Variants in PCBP3 observed in about 807,000 individuals in gnomAD.
The protein encoded by PCBP3 is poly(rC) binding protein 3.
PCBP3 carries 25 observed loss-of-function variants against 52.7 expected under a neutral mutation model. That is an observed-to-expected ratio of 0.47 (90% CI 0.35 to 0.66). The LOEUF is 0.66. Ranked by LOEUF, PCBP3 falls within the 30% of genes least tolerant of loss-of-function variation. The pLI is 0.01. For missense variants in PCBP3, 391 were observed against 490.3 expected, an observed-to-expected ratio of 0.80 and a Z score of 1.91; for synonymous variants, 162 against 183.0, an observed-to-expected ratio of 0.89 and a Z score of 0.93.
In PCBP3 at chr21:45,901,069, G is replaced by A. The variant is rs749417861; in HGVS notation, c.295G>A (p.Ala99Thr). Residue 99 changes from alanine (A) to threonine (T), a missense_variant, in exon 9 of 18, where the codon GCC becomes ACC. Ala to Thr is a moderately conservative substitution (Grantham distance 58). Coordinates refer to ENST00000681687, the MANE Select transcript of PCBP3 (RefSeq NM_001384156.1). ...TGTGACCATCACAGGCCCCACAGAC[G>A]CCATCTTCAAGGCCTTTGCCATGAT... ...RIVTITGPTD[A>T]IFKAFAMIAY... 1.0e-4 allele frequency: 163 copies of A among 1,613,814 alleles called. No homozygotes were observed. Among genetic ancestry groups the A allele is most frequent in the Non-Finnish European group, 1.3e-4 (151 of 1,179,850 alleles).
At chr21:45,920,083 C>A (rs918942314) in intron 13 of PCBP3, among the ~76,000 whole-genome samples, 1 of 152,090 alleles carries the variant, frequency 6.6e-6, no homozygotes, top group Admixed American at 6.5e-5. Context: ...GCTCTGGAAC[C>A]CAAAGGAAAG....
intron 2 of PCBP3, among the ~76,000 whole-genome samples, chr21:45,689,397 T>TA (rs77970279): frequency 6.6e-6 from 1 of 151,820 alleles, no homozygotes; most frequent in Admixed American, 6.6e-5. Flanking sequence ...ACATTGATGA[T>TA]AAAAAAAATT....
At chr21:45,688,865 T>TAA (rs201026747) in intron 2 of PCBP3, among the ~76,000 whole-genome samples, 1 of 146,428 alleles carries the variant, frequency 6.8e-6, no homozygotes, top group Non-Finnish European at 1.5e-5. Flanking sequence ...TTCAGTACCT[T>TAA]AAAAAAAAAA....
intron 5 of PCBP3, chr21:45,893,686 T>G: frequency 1.1e-6 from 1 of 922,412 alleles, no homozygotes; most frequent in Non-Finnish European, 1.3e-6. Flanking sequence ...TCCCATTGCA[T>G]GGGCTAAAAT....
chr21:45,893,799 A>G, intron 5 of PCBP3: 1 of 985,538 alleles, frequency 1.0e-6, no homozygotes, highest in Non-Finnish European at 1.2e-6. Flanking sequence ...GGCAAGCCTC[A>G]GAACGGGCTC....
chr21:45,702,769 G>A (rs2083210935), intron 2 of PCBP3, among the ~76,000 whole-genome samples: 1 of 152,172 alleles, frequency 6.6e-6, no homozygotes, highest in Non-Finnish European at 1.5e-5. Flanking sequence ...CACATCAATG[G>A]ACTCTTCCTT....
chr21:45,906,965 C>T (rs1344070718), intron 9 of PCBP3, among the ~76,000 whole-genome samples: 2 of 152,178 alleles, frequency 1.3e-5, no homozygotes, highest in South Asian at 2.1e-4. Context: ...TTCTGCAGGT[C>T]GGATGCAGGA....
intron 6 of PCBP3, among the ~76,000 whole-genome samples, chr21:45,897,584 C>T (rs1603475780): frequency 1.3e-5 from 2 of 152,314 alleles, no homozygotes; most frequent in African/African-American, 2.4e-5. Flanking sequence ...CCGATGCCCT[C>T]GCTGCCCCTG....
chr21:45,667,284 A>G (rs1182188767), intron 1 of PCBP3, among the ~76,000 whole-genome samples: 1 of 151,216 alleles, frequency 6.6e-6, no homozygotes, highest in Non-Finnish European at 1.5e-5. Context: ...TTGGGATTAC[A>G]GGTGTGAGCC....
intron 1 of PCBP3, among the ~76,000 whole-genome samples, chr21:45,663,824 G>C (rs923601340): frequency 6.6e-6 from 1 of 151,928 alleles, no homozygotes; most frequent in Non-Finnish European, 1.5e-5. Context: ...CTCTAGCCTT[G>C]TTCTTTTTGA....
chr21:45,809,097 G>A (rs576612430), intron 4 of PCBP3, among the ~76,000 whole-genome samples: 1 of 152,216 alleles, frequency 6.6e-6, no homozygotes, highest in African/African-American at 2.4e-5. Flanking sequence ...TAGATAATGG[G>A]TTGATGGGTG....
chr21:45,865,338 G>A (rs572247696), intron 5 of PCBP3, among the ~76,000 whole-genome samples: 6 of 152,284 alleles, frequency 3.9e-5, no homozygotes, highest in South Asian at 2.1e-4. Flanking sequence ...ACCCCCAGTC[G>A]CCTTTAGGGG....
At chr21:45,688,369 A>G (rs1388341866) in intron 2 of PCBP3, among the ~76,000 whole-genome samples, 3 of 152,194 alleles carry the variant, frequency 2.0e-5, no homozygotes, top group Non-Finnish European at 2.9e-5. Flanking sequence ...TAATAAGGTT[A>G]TTGATAAGAA....
At position 45,922,266 on chromosome 21, in the gene PCBP3, C is replaced by T. The variant is rs368935251; in HGVS notation, c.717+4637C>T. ...GAAATGAGTGAACTTCAAAAATACC[C>T]TCATAGGCCAGGTACAGTGGCTCTC... On this transcript the variant is annotated intron_variant, in intron 13 of 17. Coordinates refer to ENST00000681687, the MANE Select transcript of PCBP3 (RefSeq NM_001384156.1). Among the ~76,000 whole-genome samples the T allele has an allele frequency of 1.6e-4, 25 of 152,282 alleles. No individual in the cohort carries two copies. The East Asian group carries it at 4.3e-3, about 26-fold the overall frequency.
intron 3 of PCBP3, among the ~76,000 whole-genome samples, chr21:45,738,722 AT>A (rs1418947422): frequency 9.5e-6 from 1 of 104,754 alleles, no homozygotes; most frequent in Non-Finnish European, 2.0e-5. Flanking sequence ...TAGCCCCCCC[AT>A]CTTCATCAGC....
At chr21:45,810,429 A>AT (rs199547949) in intron 4 of PCBP3, among the ~76,000 whole-genome samples, 24,798 of 145,662 alleles carry the variant, frequency 0.17, 2,120 homozygotes, top group Middle Eastern at 0.32. Context: ...TGCCTGGCTA[A>AT]TTTTTTTTTT....
intron 4 of PCBP3, among the ~76,000 whole-genome samples, chr21:45,822,246 T>G (rs2147425853): frequency 6.6e-6 from 1 of 152,312 alleles, no homozygotes; most frequent in South Asian, 2.1e-4. Flanking sequence ...ATCGGGGTCC[T>G]CAGCCCCCAC....
chr21:45,662,280 T>TG (rs2080453519), intron 1 of PCBP3, among the ~76,000 whole-genome samples: 2 of 28,398 alleles, frequency 7.0e-5, no homozygotes, highest in Non-Finnish European at 1.6e-4. Flanking sequence ...AGTTTTTTTT[T>TG]TTTTTTTTTT....
chr21:45,825,266 C>T (rs1235323878), intron 4 of PCBP3, among the ~76,000 whole-genome samples: 1 of 152,248 alleles, frequency 6.6e-6, no homozygotes, highest in African/African-American at 2.4e-5. Flanking sequence ...AGATGACATT[C>T]TCAGCGCCTT....
Sources: allele counts gnomAD v4.1 joint callset (sites outside exome capture counted in the v4.1 genomes callset), GRCh38; gene constraint gnomAD v4.1.1; transcripts MANE v1.5; gene names NCBI Gene and HGNC (gene_info 2026-07-23, HGNC 2026-07-21).